The following SYNE2 variants were observed in gnomAD, a reference collection of about 807,000 sequenced individuals.
SYNE2 encodes the protein spectrin repeat containing nuclear envelope protein 2.
In SYNE2, 431 loss-of-function variants were observed where a neutral mutation model predicts 856.3. The observed-to-expected ratio is 0.50, with a 90% CI of 0.47 to 0.55. The LOEUF is 0.55. SYNE2 is among the 20% of genes least tolerant of loss of function. The probability of loss-of-function intolerance (pLI) is 0.00; values close to 1 mark genes in which losing one functional copy is unlikely to be tolerated. For synonymous variants in SYNE2, 2,923 were observed against 2,872.3 expected (o/e 1.02, Z -0.56); for missense variants, 8,129 against 8,023.2 (o/e 1.01, Z -0.50).
At chr14:64,094,905 G>A in intron 61 of SYNE2, 1 of 167,246 alleles carries the variant, frequency 6.0e-6, no homozygotes. Flanking sequence ...TTAGAGATGA[G>A]GTCTCACTGT....
In SYNE2 at chr14:64,027,738, AAG is replaced by A; in HGVS notation, c.6662_6663del (p.Glu2221AlafsTer31). 6.2e-7 allele frequency: 1 copy of A among 1,613,846 alleles called. No individual in the cohort carries two copies. The highest frequency in any genetic ancestry group is 8.5e-7 in the Non-Finnish European group (1 of 1,179,928). On this transcript the variant is annotated frameshift_variant, in exon 43 of 116. Transcript: ENST00000555002. LOFTEE classifies it high-confidence loss of function. ...TGCACTAAAAATCCCAGCTTCAGTGAAGAGCCTTGGCTGGAAATAAAGCATCT... is the reference window on the plus strand; with the variant it reads ...TGCACTAAAAATCCCAGCTTCAGTGAAGCCTTGGCTGGAAATAAAGCATCT...
intron 2 of SYNE2, among the ~76,000 whole-genome samples, chr14:63,937,810 G>T (rs937511163): frequency 6.6e-5 from 10 of 152,144 alleles, no homozygotes; most frequent in African/African-American, 2.4e-4. Flanking sequence ...AACAAAATAG[G>T]TGAAATGCAA....
At chr14:63,788,215 G>T (rs138610712) in intron 1 of SYNE2, among the ~76,000 whole-genome samples, 1 of 152,166 alleles carries the variant, frequency 6.6e-6, no homozygotes, top group Non-Finnish European at 1.5e-5. Context: ...GAAGAAACCC[G>T]CGAGCCTGCT....
At chr14:64,212,272 T>C (rs754926501) in intron 104 of SYNE2, among the ~76,000 whole-genome samples, 174 bp downstream of exon 104, 1 of 152,180 alleles carries the variant, frequency 6.6e-6, no homozygotes, top group Non-Finnish European at 1.5e-5. Flanking sequence ...ATACTGTTCT[T>C]TACGGTCCAG....
chr14:64,218,572 C>A, intron 109 of SYNE2, 60 bp downstream of exon 109: 3 of 1,506,280 alleles, frequency 2.0e-6, no homozygotes, highest in African/African-American at 1.4e-5. Flanking sequence ...AGTCCTTGCT[C>A]AAGAGAACAT....
At chr14:63,852,117 C>T (rs1033583790), upstream of SYNE2, among the ~76,000 whole-genome samples, 2 of 151,270 alleles carry the variant, frequency 1.3e-5, no homozygotes, top group Non-Finnish European at 1.5e-5. Flanking sequence ...GAGTGAGACC[C>T]TGTCTAAAAA....
intron 13 of SYNE2, among the ~76,000 whole-genome samples, chr14:63,978,610 G>A (rs569704145): frequency 2.0e-5 from 3 of 152,042 alleles, no homozygotes; most frequent in Non-Finnish European, 2.9e-5. Flanking sequence ...TTTGTCAGTC[G>A]GAGAATAGTT....
intron 11 of SYNE2, among the ~76,000 whole-genome samples, chr14:63,975,491 C>T (rs2096535068): frequency 6.6e-6 from 1 of 152,038 alleles, no homozygotes; most frequent in East Asian, 1.9e-4. Flanking sequence ...CACCACCACT[C>T]CTGGCTAATT....
chr14:64,055,187 GTTTTC>G (rs936684223), intron 48 of SYNE2, among the ~76,000 whole-genome samples: 1 of 151,994 alleles, frequency 6.6e-6, no homozygotes, highest in African/African-American at 2.4e-5. Flanking sequence ...TAGAGATTTT[GTTTTC>G]TTTTCATTTG....
At position 64,225,586 on chromosome 14, in the gene SYNE2, T is replaced by C; in HGVS notation, c.*60T>C. On this transcript the variant is annotated 3_prime_UTR_variant, in exon 116 of 116. Coordinates refer to ENST00000555002, the MANE Select transcript of SYNE2 (RefSeq NM_182914.3). ...CTGATTGCCAAGGGTGCCCAGCACG[T>C]GGCCCCAGACCAATCTGAGTGACTT... 6.4e-7 allele frequency: 1 copy of C among 1,565,150 alleles called. No individual in the cohort carries two copies. The highest frequency in any genetic ancestry group is 1.1e-5 in the South Asian group (1 of 87,822).
chr14:64,089,095 A>G (rs964160475), intron 58 of SYNE2, among the ~76,000 whole-genome samples: 22 of 152,092 alleles, frequency 1.4e-4, no homozygotes, highest in African/African-American at 5.1e-4. Flanking sequence ...GCCAGGAACG[A>G]TGGCTCACAC....
At position 64,165,400 on chromosome 14, in the gene SYNE2, A is replaced by G. The variant is rs772769879; in HGVS notation, c.16595A>G (p.Asp5532Gly). ...CACCAACAGGAAAAAGAAAATCCTGACTCATTCCTGGTATTGCCAATATTT... is the reference window on the plus strand; with the variant it reads ...CACCAACAGGAAAAAGAAAATCCTGGCTCATTCCTGGTATTGCCAATATTT... ...RLHQQEKENP[D>G]SFLNHVLALT... The change falls in exon 90 of 116, where the codon GAC becomes GGC. Residue 5532 changes from aspartate (D) to glycine (G), a missense_variant. Physicochemically the swap from Asp to Gly is moderately conservative, Grantham distance 94. This residue lies in a region of SYNE2 where 5,410 missense variants were observed against 5,284.8 expected (regional missense o/e 1.02). Coordinates refer to ENST00000555002, the MANE Select transcript of SYNE2 (RefSeq NM_182914.3). 6 of 1,613,668 alleles carry G rather than the reference A, an allele frequency of 3.7e-6. No homozygotes were observed. In the Admixed American group the frequency reaches 1.0e-4, roughly 27 times the overall value.
chr14:64,054,009 A>T lies in SYNE2; in HGVS notation c.9744+352A>T, dbSNP rs536914547. 5.3e-5 allele frequency among the ~76,000 whole-genome samples: 8 copies of T among 152,344 alleles called. No homozygotes were observed. The East Asian group carries it at 1.5e-3, about 29-fold the overall frequency. ...TAAAATAAAATAAAATTGGGCAGTTAGTGCATCTATTTTTATTTTGTGATT... is the reference window on the plus strand; with the variant it reads ...TAAAATAAAATAAAATTGGGCAGTTTGTGCATCTATTTTTATTTTGTGATT... On this transcript the variant is annotated intron_variant, in intron 48 of 115. Transcript: ENST00000555002.
At chr14:64,070,196 A>T (rs1836402383) in intron 51 of SYNE2, among the ~76,000 whole-genome samples, 1 of 152,194 alleles carries the variant, frequency 6.6e-6, no homozygotes, top group South Asian at 2.1e-4. Context: ...GGGTAATGAG[A>T]ACCTGCTGGC....
chr14:63,908,508 C>T (rs2095435425), intron 1 of SYNE2, among the ~76,000 whole-genome samples: 1 of 151,684 alleles, frequency 6.6e-6, no homozygotes, highest in African/African-American at 2.4e-5. Flanking sequence ...CAAGGTGGGG[C>T]GAGGGGAAGA....
intron 1 of SYNE2, among the ~76,000 whole-genome samples, chr14:63,787,801 G>T (rs1398697148): frequency 6.6e-6 from 1 of 152,184 alleles, no homozygotes; most frequent in African/African-American, 2.4e-5. Flanking sequence ...TGCCCACTTG[G>T]ACCCACAGGG....
In SYNE2 at chr14:64,190,825, T is replaced by C. The variant is rs189349163; in HGVS notation, c.18038+588T>C. 2,340 of 682,252 alleles carry C rather than the reference T, an allele frequency of 3.4e-3. 17 individuals carry two copies. Among genetic ancestry groups the C allele is most frequent in the Non-Finnish European group, 3.5e-3 (1,293 of 371,986 alleles). 42.3% of individuals were successfully genotyped at this position (682,252 alleles called of 1,614,324 possible). ...AAAGCTATATTGGCCAGTGCAATCT[T>C]ATCAGAAATAGCGCTGATAATTTTA... On this transcript the variant is annotated intron_variant, in intron 99 of 115. Transcript: ENST00000555002.
At position 64,221,709 on chromosome 14, in the gene SYNE2, G is replaced by A. The variant is rs1486991779; in HGVS notation, c.20190+5G>A. The stretch of plus-strand genomic sequence containing the variant: ...GAGTGTCGGAGGGAACTAATGGTAA[G>A]TTTCCTCCCAAGGGCTCTGTACTGC... On this transcript the variant is annotated splice_donor_5th_base_variant and intron_variant, in intron 112 of 115. Coordinates refer to ENST00000555002, the MANE Select transcript of SYNE2 (RefSeq NM_182914.3). 4 of 1,614,004 alleles carry A rather than the reference G, an allele frequency of 2.5e-6. No individual in the cohort carries two copies. The Admixed American group carries it at 6.7e-5, about 27-fold the overall frequency.
intron 49 of SYNE2, 129 bp downstream of exon 49, chr14:64,056,395 T>G: frequency 1.4e-5 from 10 of 739,800 alleles, no homozygotes; most frequent in Non-Finnish European, 2.1e-5. Context: ...ACCTATGCAT[T>G]AGAGATAATT....
Sources: allele counts gnomAD v4.1 joint callset (sites outside exome capture counted in the v4.1 genomes callset), GRCh38; gene constraint gnomAD v4.1.1; regional missense constraint gnomAD v4.1.1; transcripts MANE v1.5; gene names NCBI Gene and HGNC (gene_info 2026-07-23, HGNC 2026-07-21).